Variants in CTTN observed in about 807,000 individuals in gnomAD.
The protein encoded by CTTN is src substrate cortactin.
In CTTN, 28 loss-of-function variants were observed where a neutral mutation model predicts 84.0. The observed-to-expected ratio is 0.33, with a 90% CI of 0.25 to 0.46. CTTN has a LOEUF of 0.46. Among genes scored for constraint, CTTN ranks in the 20% least tolerant of loss-of-function variants. CTTN has a pLI of 1.00. For synonymous variants in CTTN, 301 were observed against 288.8 expected, an observed-to-expected ratio of 1.04 and a Z score of -0.43; for missense variants, 641 against 723.8, an observed-to-expected ratio of 0.89 and a Z score of 1.31.
At chr11:70,400,805 G>T (rs894865909) in intron 1 of CTTN, among the ~76,000 whole-genome samples, 8 of 152,252 alleles carry the variant, frequency 5.3e-5, no homozygotes, top group African/African-American at 1.2e-4. Context: ...TGCTCCAGGA[G>T]CAGGCTTGGC....
In CTTN at chr11:70,431,172, T is replaced by C. The variant is rs948596611; in HGVS notation, c.1177-19T>C. On this transcript the variant is annotated intron_variant, in intron 14 of 17. Coordinates refer to ENST00000301843, the MANE Select transcript of CTTN (RefSeq NM_005231.4). Reference sequence around the variant, plus strand: ...AGTGTCATGGCAGCATTCTGATTGCTGTTTGTTTTCAATCACAGGAGCAAG... The same window carrying C: ...AGTGTCATGGCAGCATTCTGATTGCCGTTTGTTTTCAATCACAGGAGCAAG... 6.2e-7 allele frequency: 1 copy of C among 1,612,336 alleles called. No individual in the cohort carries two copies. Among genetic ancestry groups the C allele is most frequent in the Non-Finnish European group, 8.5e-7 (1 of 1,178,468 alleles).
intron 1 of CTTN, among the ~76,000 whole-genome samples, chr11:70,399,226 G>T (rs1464640472): frequency 6.6e-6 from 1 of 151,304 alleles, no homozygotes; most frequent in African/African-American, 2.4e-5. Context: ...GAGGAGATTG[G>T]GGTCTGACGG....
At chr11:70,412,521 A>G (rs2058106151) in intron 5 of CTTN, among the ~76,000 whole-genome samples, 1 of 152,238 alleles carries the variant, frequency 6.6e-6, no homozygotes, top group Non-Finnish European at 1.5e-5. Flanking sequence ...AAAATAAAAA[A>G]TTGAAATCTC....
intron 13 of CTTN, among the ~76,000 whole-genome samples, chr11:70,428,385 T>TG (rs1565498762): frequency 6.6e-6 from 1 of 151,842 alleles, no homozygotes; most frequent in African/African-American, 2.4e-5. Flanking sequence ...AGGATGGTCT[T>TG]GATCTCTTGA....
At chr11:70,427,998 A>G (rs1355060277) in intron 13 of CTTN, among the ~76,000 whole-genome samples, 3 of 152,106 alleles carry the variant, frequency 2.0e-5, no homozygotes, top group Non-Finnish European at 2.9e-5. Flanking sequence ...TTGCATAACC[A>G]TAGTTGGACT....
In CTTN at chr11:70,435,083, T is replaced by C. The variant is rs755415539; in HGVS notation, c.1574T>C (p.Ile525Thr). Residue 525 changes from isoleucine (I) to threonine (T), a missense_variant, in exon 18 of 18, where the codon ATT becomes ACT. Physicochemically the swap from Ile to Thr is moderately conservative, Grantham distance 89. Transcript: ENST00000301843. Reference protein sequence around the residue: ...PDDIITNIEMIDDGWWRGVCK... With the variant: ...PDDIITNIEMTDDGWWRGVCK... The stretch of plus-strand genomic sequence containing the variant: ...GACATCATCACCAACATCGAGATGA[T>C]TGACGACGGCTGGTGGCGCGGGGTG... The C allele has an allele frequency of 6.2e-7, 1 of 1,614,088 alleles. No homozygotes were observed. Among genetic ancestry groups the C allele is most frequent in the South Asian group, 1.1e-5 (1 of 91,082 alleles).
chr11:70,433,080 G>A, intron 15 of CTTN, 21 bp from the exon 16 acceptor site: 1 of 1,609,964 alleles, frequency 6.2e-7, no homozygotes, highest in Non-Finnish European at 8.5e-7. Context: ...CCCGTGCCAT[G>A]TGCGTGTGAC....
chr11:70,407,914 T>C (rs1472367702), intron 4 of CTTN: 2 of 299,798 alleles, frequency 6.7e-6, no homozygotes, highest in Non-Finnish European at 1.2e-5. Flanking sequence ...GTCCCTAAGC[T>C]CTACCTTACA....
At chr11:70,400,646 A>T (rs2057967468) in intron 1 of CTTN, among the ~76,000 whole-genome samples, 2 of 152,370 alleles carry the variant, frequency 1.3e-5, no homozygotes, top group South Asian at 4.1e-4. Flanking sequence ...AAATGACAGC[A>T]CACATAATCG....
chr11:70,417,044 C>G lies in CTTN; in HGVS notation c.489C>G (p.Gly163=), dbSNP rs578175808. 3 of 1,614,168 alleles carry G rather than the reference C, an allele frequency of 1.9e-6. No individual in the cohort carries two copies. The highest frequency in any genetic ancestry group is 1.6e-4 in the Middle Eastern group (1 of 6,062). The change falls in exon 8 of 18, where the codon GGC becomes GGG. Residue 163 remains glycine, a synonymous_variant. Coordinates refer to ENST00000301843, the MANE Select transcript of CTTN (RefSeq NM_005231.4). The stretch of plus-strand genomic sequence containing the variant: ...CCAGTGGTTTTGGCGGCAAGTATGG[C>G]GTGCAGGCCGACCGAGTAGACAAGA... ...DYSSGFGGKY[G]VQADRVDKSA...
Position 70,407,359 on chromosome 11 carries a change from A to G in CTTN, c.62A>G (p.Asp21Gly). 1.9e-6 allele frequency: 3 copies of G among 1,580,650 alleles called. No homozygotes were observed. The highest frequency in any genetic ancestry group is 2.6e-6 in the Non-Finnish European group (3 of 1,163,134). ...GCCCAGGATGACGCGGGGGCCGATGACTGGGAGACCGACCCTGATTTTGTG... is the reference window on the plus strand; with the variant it reads ...GCCCAGGATGACGCGGGGGCCGATGGCTGGGAGACCGACCCTGATTTTGTG... The part of the protein sequence containing the change: ...SIAQDDAGAD[D>G]WETDPDFVND... The change falls in exon 3 of 18, where the codon GAC becomes GGC. Residue 21 changes from aspartate (D) to glycine (G), a missense_variant. Coordinates refer to ENST00000301843, the MANE Select transcript of CTTN (RefSeq NM_005231.4).
intron 1 of CTTN, among the ~76,000 whole-genome samples, chr11:70,402,864 T>C (rs2058002661): frequency 6.6e-6 from 1 of 152,224 alleles, no homozygotes; most frequent in African/African-American, 2.4e-5. Context: ...TGCTGAGTCA[T>C]ACAGTACCTG....
rs557155558 is a variant in CTTN, at chr11:70,432,510, G to T, written c.1267-591G>T. ...AGAAACATTGATTAAAGCCACTGTC[G>T]GTGATAAGCAGTTCAGAATTTTCGC... is the stretch of plus-strand genomic sequence containing the variant. On this transcript the variant is annotated intron_variant, in intron 15 of 17. Transcript: ENST00000301843. 3.0e-3 allele frequency among the ~76,000 whole-genome samples: 463 copies of T among 152,356 alleles called. 4 individuals carry two copies. The highest frequency in any genetic ancestry group is 0.011 in the African/African-American group (449 of 41,582).
chr11:70,407,565 G>A lies in CTTN; in HGVS notation c.135G>A (p.Gln45=). 6.2e-7 allele frequency: 1 copy of A among 1,613,834 alleles called. No individual in the cohort carries two copies. The highest frequency in any genetic ancestry group is 8.5e-7 in the Non-Finnish European group (1 of 1,180,014). Residue 45 remains glutamine (Q), a synonymous_variant, in exon 4 of 18, where the codon CAG becomes CAA. Transcript: ENST00000301843. The part of the protein sequence containing the change: ...KEQRWGAKTV[Q]GSGHQEHINI... Reference sequence around the variant, plus strand: ...AAAGATGGGGTGCCAAGACGGTGCAGGGCTCCGGGCACCAGGAGCATATCA... The same window carrying A: ...AAAGATGGGGTGCCAAGACGGTGCAAGGCTCCGGGCACCAGGAGCATATCA...
At chr11:70,414,781 G>T in intron 6 of CTTN, 129 bp downstream of exon 6, 1 of 643,650 alleles carries the variant, frequency 1.6e-6, no homozygotes, top group Non-Finnish European at 2.8e-6. Context: ...GCAGAGAGGG[G>T]CATCTGCCTC....
At chr11:70,405,738 C>T (rs1248612435) in intron 2 of CTTN, among the ~76,000 whole-genome samples, 1 of 152,224 alleles carries the variant, frequency 6.6e-6, no homozygotes, top group Non-Finnish European at 1.5e-5. Context: ...CTGTGCTCTG[C>T]TAATCTCTCC....
intron 16 of CTTN, 76 bp downstream of exon 16, chr11:70,433,354 G>A (rs1391233826): frequency 8.4e-6 from 12 of 1,428,114 alleles, no homozygotes; most frequent in South Asian, 8.1e-5. Flanking sequence ...CTGTGGCGTC[G>A]TTGCGAGGAG....
intron 12 of CTTN, among the ~76,000 whole-genome samples, chr11:70,423,368 G>A (rs568713288): frequency 1.3e-5 from 2 of 152,348 alleles, no homozygotes; most frequent in South Asian, 4.1e-4. Flanking sequence ...TGCGTGTGGG[G>A]CTACCTCGCT....
At position 70,422,682 on chromosome 11, in the gene CTTN, C is replaced by T. The variant is rs563471554; in HGVS notation, c.902-258C>T. 2.5e-4 allele frequency: 358 copies of T among 1,423,372 alleles called. 1 individual carries two copies. The highest frequency in any genetic ancestry group is 3.2e-4 in the Non-Finnish European group (347 of 1,075,492). 88.2% of individuals were successfully genotyped at this position (1,423,372 alleles called of 1,614,324 possible). A position where few individuals can be genotyped will look rare whatever the true frequency, so the allele number is the denominator to read the frequency against. Reference sequence around the variant, plus strand: ...TTAGCTCCTGCCTGCTGCCCGCCGCCCCTCCTGCCCCTCCTGCCCCTCAGG... The same window carrying T: ...TTAGCTCCTGCCTGCTGCCCGCCGCTCCTCCTGCCCCTCCTGCCCCTCAGG... On this transcript the variant is annotated intron_variant, in intron 11 of 17. Transcript: ENST00000301843.
Sources: gnomAD v4.1 joint callset for allele counts (sites outside exome capture counted in the v4.1 genomes callset) on GRCh38, gnomAD v4.1.1 for gene constraint, MANE v1.5 for transcripts, NCBI Gene and HGNC (gene_info 2026-07-23, HGNC 2026-07-21) for gene names.